The following PARN variants were observed in gnomAD, a reference collection of about 807,000 sequenced individuals.
The protein encoded by PARN is poly(A)-specific ribonuclease, also known as poly(A)-specific ribonuclease PARN.
In PARN, 71 loss-of-function variants were observed where a neutral mutation model predicts 102.8. That is an observed-to-expected ratio of 0.69 (90% CI 0.57 to 0.84). The LOEUF is 0.84. Among genes scored for constraint, PARN ranks in the 40% least tolerant of loss-of-function variants. PARN has a pLI of 0.00. For synonymous variants in PARN, 261 were observed against 252.9 expected (o/e 1.03, Z -0.30); for missense variants, 782 against 760.9 (o/e 1.03, Z -0.33).
intron 21 of PARN, among the ~76,000 whole-genome samples, chr16:14,485,887 C>CAAT (rs1567313267): frequency 6.6e-6 from 1 of 152,138 alleles, no homozygotes; most frequent in Non-Finnish European, 1.5e-5. Flanking sequence ...AGGGTTTCAC[C>CAAT]GTGTTGGCCA....
At chr16:14,540,939 A>T (rs1461367799) in intron 21 of PARN, among the ~76,000 whole-genome samples, 2 of 152,134 alleles carry the variant, frequency 1.3e-5, no homozygotes, top group Admixed American at 6.5e-5. Flanking sequence ...CCACAGGACA[A>T]GACTCCGTCT....
intron 22 of PARN, among the ~76,000 whole-genome samples, chr16:14,482,064 A>C (rs977515532): frequency 2.0e-5 from 3 of 152,106 alleles, no homozygotes; most frequent in Non-Finnish European, 4.4e-5. Context: ...GGTGAACAAG[A>C]CACAAAGCCT....
intron 21 of PARN, among the ~76,000 whole-genome samples, chr16:14,526,179 G>GTT (rs370572514): frequency 1.1e-3 from 145 of 134,586 alleles, no homozygotes; most frequent in African/African-American, 2.8e-3. Context: ...ATCATCCACT[G>GTT]TTTTTTTTTT....
intron 21 of PARN, among the ~76,000 whole-genome samples, chr16:14,488,358 A>G (rs750646015): frequency 6.6e-6 from 1 of 152,242 alleles, no homozygotes; most frequent in Non-Finnish European, 1.5e-5. Flanking sequence ...AGAAAAAAGG[A>G]CAGGCATAAA....
intron 1 of PARN, 95 bp from the exon 2 acceptor site, chr16:14,629,769 C>T (rs1235094012): frequency 3.2e-6 from 3 of 948,364 alleles, no homozygotes; most frequent in African/African-American, 1.6e-5. Context: ...AGGCTGAGAG[C>T]CGGAAGGGGA....
chr16:14,599,468 A>G (rs1970747272), intron 12 of PARN, among the ~76,000 whole-genome samples: 1 of 152,250 alleles, frequency 6.6e-6, no homozygotes, highest in African/African-American at 2.4e-5. Context: ...ATTAAGAATA[A>G]GATTCAATTA....
At chr16:14,523,330 T>C (rs569242544) in intron 21 of PARN, among the ~76,000 whole-genome samples, 1 of 151,874 alleles carries the variant, frequency 6.6e-6, no homozygotes, top group East Asian at 1.9e-4. Context: ...TTAGTAAATA[T>C]ACAGAAGATT....
chr16:14,477,844 G>A (rs763958533), intron 22 of PARN, among the ~76,000 whole-genome samples: 7 of 151,550 alleles, frequency 4.6e-5, no homozygotes, highest in Non-Finnish European at 1.0e-4. Context: ...GGGAAGGGAA[G>A]GGAAGAAAAT....
chr16:14,630,072 G>A (rs758568931), intron 1 of PARN, 35 bp downstream of exon 1: 1 of 1,544,152 alleles, frequency 6.5e-7, no homozygotes, highest in South Asian at 1.2e-5. Flanking sequence ...GCAGCCGGGT[G>A]TGGGGAGGCG....
chr16:14,550,385 T>C (rs1235198807), intron 21 of PARN, among the ~76,000 whole-genome samples: 1 of 152,168 alleles, frequency 6.6e-6, no homozygotes. Context: ...AGAACCACAG[T>C]AAAAGCTCAA....
chr16:14,626,917 C>T (rs1596929766), intron 5 of PARN, among the ~76,000 whole-genome samples, 189 bp downstream of exon 5: 1 of 152,126 alleles, frequency 6.6e-6, no homozygotes. Context: ...GTACCTGGCC[C>T]TCCTTAATTC....
intron 22 of PARN, among the ~76,000 whole-genome samples, chr16:14,455,430 T>C (rs1255237877): frequency 6.6e-6 from 1 of 152,238 alleles, no homozygotes; most frequent in East Asian, 1.9e-4. Context: ...ATCTTCTCTT[T>C]ACATTTCTCC....
intron 4 of PARN, 36 bp from the exon 5 acceptor site, chr16:14,627,223 T>A: frequency 6.4e-7 from 1 of 1,570,252 alleles, no homozygotes; most frequent in Non-Finnish European, 8.7e-7. Context: ...GGAGGTGACA[T>A]TGTGCCACAA....
At chr16:14,597,007 G>A (rs552160784) in intron 12 of PARN, among the ~76,000 whole-genome samples, 10 of 151,938 alleles carry the variant, frequency 6.6e-5, no homozygotes, top group South Asian at 2.1e-4. Flanking sequence ...GGCTGGTGTC[G>A]AACTCCCGAC....
In PARN at chr16:14,463,851, AC is replaced by A. The variant is rs1160160509; in HGVS notation, c.1671-16771del. Among the ~76,000 whole-genome samples the A allele has an allele frequency of 5.9e-4, 47 of 79,486 alleles. 1 individual carries two copies. Among genetic ancestry groups the A allele is most frequent in the Non-Finnish European group, 9.9e-4 (39 of 39,266 alleles). The allele number at this position is 79,486 out of a possible 152,430, so 52.1% of individuals were successfully genotyped here. A position where few individuals can be genotyped will look rare whatever the true frequency, so the allele number is the denominator to read the frequency against. On this transcript the variant is annotated intron_variant, in intron 22 of 23. Coordinates refer to ENST00000437198, the MANE Select transcript of PARN (RefSeq NM_002582.4). ...AACTTTTTTTTTTGGGGGGGGGGGG[AC>A]GACAAGGTCTCACTCTGTCACCCAG...
intron 12 of PARN, among the ~76,000 whole-genome samples, chr16:14,595,868 T>A (rs1970475911): frequency 6.6e-6 from 1 of 152,190 alleles, no homozygotes; most frequent in Non-Finnish European, 1.5e-5. Context: ...GTCTCCCATG[T>A]TGCCCAGGCT....
chr16:14,577,753 T>C (rs1969234539), intron 18 of PARN, among the ~76,000 whole-genome samples: 1 of 151,832 alleles, frequency 6.6e-6, no homozygotes, highest in East Asian at 2.0e-4. Flanking sequence ...CTGCAACCTC[T>C]GCCTCCTGGG....
intron 18 of PARN, among the ~76,000 whole-genome samples, chr16:14,574,510 C>T (rs888279948): frequency 1.3e-5 from 2 of 151,994 alleles, no homozygotes; most frequent in Admixed American, 6.6e-5. Context: ...GTCAGGAGTT[C>T]GAGACAAGCC....
chr16:14,491,283 T>C (rs1364272146), intron 21 of PARN, among the ~76,000 whole-genome samples: 1 of 150,912 alleles, frequency 6.6e-6, no homozygotes. Flanking sequence ...ACCAGCAAGT[T>C]TGCCTCAATA....
Sources: allele counts gnomAD v4.1 joint callset (sites outside exome capture counted in the v4.1 genomes callset), GRCh38; gene constraint gnomAD v4.1.1; transcripts MANE v1.5; gene names NCBI Gene and HGNC (gene_info 2026-07-23, HGNC 2026-07-21).